The following BEND6 variants were observed in gnomAD, a reference collection of about 807,000 sequenced individuals.
BEND6 encodes BEN domain containing 6, also known as BEN domain-containing protein 6.
Under a neutral mutation model 31.8 loss-of-function variants are expected in BEND6, and 24 were observed. The ratio of observed to expected loss-of-function variants is 0.75; its 90% CI spans 0.55 to 1.06. BEND6 has a LOEUF of 1.06. Among genes scored for constraint, BEND6 ranks in the 50% least tolerant of loss-of-function variants. The pLI is 0.00. For synonymous variants in BEND6, 109 were observed against 114.6 expected (o/e 0.95, Z 0.31); for missense variants, 294 against 327.4 (o/e 0.90, Z 0.79).
At chr6:56,957,507 A>G (rs566461389) in intron 1 of BEND6, among the ~76,000 whole-genome samples, 2 of 152,332 alleles carry the variant, frequency 1.3e-5, no homozygotes, top group East Asian at 3.9e-4. Flanking sequence ...AATTCAATAA[A>G]TACTAAATCA....
intron 1 of BEND6, among the ~76,000 whole-genome samples, chr6:56,959,242 G>C (rs542645960): frequency 2.0e-5 from 3 of 152,188 alleles, no homozygotes; most frequent in African/African-American, 7.2e-5. Context: ...AGTTAGGATG[G>C]CTCCATGCCC....
intron 3 of BEND6, among the ~76,000 whole-genome samples, chr6:56,995,075 A>T (rs1259985733): frequency 6.6e-6 from 1 of 151,948 alleles, no homozygotes; most frequent in African/African-American, 2.4e-5. Flanking sequence ...TGTGAGTCTC[A>T]ATCTCCTTCA....
intron 3 of BEND6, among the ~76,000 whole-genome samples, chr6:56,996,001 T>A (rs947322580): frequency 3.3e-5 from 5 of 152,322 alleles, no homozygotes; most frequent in South Asian, 2.1e-4. Flanking sequence ...GCCTTCCTCC[T>A]ATATTGCTGG....
At chr6:56,977,324 CAA>C (rs548745941) in intron 1 of BEND6, among the ~76,000 whole-genome samples, 107 of 152,060 alleles carry the variant, frequency 7.0e-4, no homozygotes, top group African/African-American at 2.3e-3. Flanking sequence ...ATTTGAGAAA[CAA>C]ATGCTGAGTT....
At chr6:56,982,031 T>A in intron 2 of BEND6, 101 bp downstream of exon 2, 1 of 1,264,770 alleles carries the variant, frequency 7.9e-7, no homozygotes, top group Non-Finnish European at 1.1e-6. Context: ...TTCTATTATT[T>A]AATTCTTTTC....
At chr6:56,998,768 G>A (rs1826820031) in intron 3 of BEND6, among the ~76,000 whole-genome samples, 2 of 148,642 alleles carry the variant, frequency 1.3e-5, no homozygotes. Flanking sequence ...AAAAAAAGAA[G>A]GAAAGAAAGA....
rs2127839778 is a variant in BEND6 at position 56,964,890 on chromosome 6, C to T, written c.-101+9430C>T. 2.0e-5 allele frequency among the ~76,000 whole-genome samples: 3 copies of T among 152,290 alleles called. No homozygotes were observed. The South Asian group carries it at 6.2e-4, about 32-fold the overall frequency. ...ATCCATCCTTGCTTTAATATAGCTT[C>T]CTGGGCCTCAGCTGGCTTAAAGAGA... On this transcript the variant is annotated intron_variant, in intron 1 of 6. Coordinates refer to ENST00000370746, the MANE Select transcript of BEND6 (RefSeq NM_152731.3).
At chr6:56,982,375 G>A (rs994249419) in intron 2 of BEND6, among the ~76,000 whole-genome samples, 11 of 152,130 alleles carry the variant, frequency 7.2e-5, no homozygotes, top group African/African-American at 2.2e-4. Context: ...GAAGAAATTG[G>A]AATGCCTCAT....
intron 3 of BEND6, chr6:57,010,071 G>A (rs999559032): frequency 2.0e-5 from 3 of 152,192 alleles, no homozygotes; most frequent in African/African-American, 7.2e-5. Flanking sequence ...TAGCTGGTAA[G>A]ATCACAAAAA....
chr6:56,981,902 A>G lies in BEND6; in HGVS notation c.92A>G (p.Asn31Ser). Residue 31 changes from asparagine (N) to serine (S), a missense_variant, in exon 2 of 7, where the codon AAT becomes AGT. Transcript: ENST00000370746. ...AGAACAGAGACAATGGACTCAGAAA[A>G]TGCAAATAGTGACATGGATAAAGGA... is the stretch of plus-strand genomic sequence containing the variant. ...RKRTETMDSE[N>S]ANSDMDKGQR... The G allele has an allele frequency of 6.2e-7, 1 of 1,612,574 alleles. No homozygotes were observed. Among genetic ancestry groups the G allele is most frequent in the Non-Finnish European group, 8.5e-7 (1 of 1,179,330 alleles).
intron 1 of BEND6, among the ~76,000 whole-genome samples, chr6:56,967,269 G>C (rs1825515457): frequency 6.6e-6 from 1 of 152,198 alleles, no homozygotes; most frequent in South Asian, 2.1e-4. Context: ...GAAAGTGTGG[G>C]CTGAGTATAG....
chr6:57,013,902 A>G (rs1020948118), intron 3 of BEND6: 2 of 152,286 alleles, frequency 1.3e-5, no homozygotes, highest in Non-Finnish European at 2.9e-5. Flanking sequence ...TCTGTGTAAC[A>G]TGGACTTGGG....
intron 1 of BEND6, among the ~76,000 whole-genome samples, chr6:56,965,030 A>G (rs979045300): frequency 1.3e-5 from 2 of 152,224 alleles, no homozygotes; most frequent in African/African-American, 4.8e-5. Context: ...ATGCCAATAC[A>G]CTGAGAGAAG....
At chr6:56,973,028 T>C (rs1305414065) in intron 1 of BEND6, among the ~76,000 whole-genome samples, 2 of 152,188 alleles carry the variant, frequency 1.3e-5, no homozygotes, top group African/African-American at 2.4e-5. Context: ...CAATCAGAAG[T>C]TCTCTACTTT....
At chr6:57,009,709 C>T (rs1562555545) in intron 3 of BEND6, 1 of 152,158 alleles carries the variant, frequency 6.6e-6, no homozygotes. Context: ...GAGCTTCCCA[C>T]AAGCCAAAGA....
chr6:57,005,020 A>G (rs1487633257), intron 3 of BEND6, among the ~76,000 whole-genome samples: 1 of 152,252 alleles, frequency 6.6e-6, no homozygotes, highest in Admixed American at 6.5e-5. Flanking sequence ...TGCTTAAAAC[A>G]GTAAGATAAA....
chr6:56,957,658 G>A (rs549028390), intron 1 of BEND6, among the ~76,000 whole-genome samples: 55 of 152,318 alleles, frequency 3.6e-4, no homozygotes, highest in African/African-American at 1.3e-3. Flanking sequence ...GATAGGGATG[G>A]AGGGGGAGAG....
intron 3 of BEND6, among the ~76,000 whole-genome samples, chr6:57,006,216 TC>T (rs1402785266): frequency 1.3e-5 from 2 of 152,222 alleles, no homozygotes; most frequent in Non-Finnish European, 2.9e-5. Context: ...GGTAAAGCAT[TC>T]AGAACAGAGC....
chr6:57,003,823 T>G (rs775756312), intron 3 of BEND6, among the ~76,000 whole-genome samples: 3 of 152,178 alleles, frequency 2.0e-5, no homozygotes, highest in Non-Finnish European at 2.9e-5. Flanking sequence ...ATCAAAAAGT[T>G]AATTCACCAC....
Sources: allele counts gnomAD v4.1 joint callset (sites outside exome capture counted in the v4.1 genomes callset), GRCh38; gene constraint gnomAD v4.1.1; transcripts MANE v1.5; gene names NCBI Gene and HGNC (gene_info 2026-07-23, HGNC 2026-07-21).